The following CHN2 variants were observed in gnomAD, a reference collection of about 807,000 sequenced individuals.
The protein encoded by CHN2 is beta-chimaerin.
A neutral mutation model predicts 56.3 loss-of-function variants in CHN2; 35 were observed. The ratio of observed to expected loss-of-function variants is 0.62; its 90% CI spans 0.47 to 0.82. CHN2 has a LOEUF of 0.82. Among genes scored for constraint, CHN2 ranks in the 40% least tolerant of loss-of-function variants. The pLI is 0.00. For synonymous variants in CHN2, 210 were observed against 212.8 expected, an observed-to-expected ratio of 0.99 and a Z score of 0.12; for missense variants, 491 against 580.5, an observed-to-expected ratio of 0.85 and a Z score of 1.58.
chr7:29,210,070 C>CTCTG (rs1320952273), intron 1 of CHN2, among the ~76,000 whole-genome samples: 1 of 151,992 alleles, frequency 6.6e-6, no homozygotes, highest in Non-Finnish European at 1.5e-5. Flanking sequence ...TAGTTTGGCC[C>CTCTG]AGATCATCTC....
In CHN2 at chr7:29,413,270, T is replaced by C. The variant is rs542067219; in HGVS notation, c.576+12442T>C. Among the ~76,000 whole-genome samples the C allele has an allele frequency of 2.0e-5, 3 of 152,306 alleles. No individual in the cohort carries two copies. The South Asian group carries it at 6.2e-4, about 32-fold the overall frequency. On this transcript the variant is annotated intron_variant, in intron 6 of 12. Coordinates refer to ENST00000222792, the MANE Select transcript of CHN2 (RefSeq NM_004067.4). ...TGATTGTTCTCAAGTGACTCATTGG[T>C]TTAAAAAATTATTTAAAAAGTCAAA...
intron 2 of CHN2, among the ~76,000 whole-genome samples, chr7:29,155,945 C>A (rs565941492): frequency 6.6e-6 from 1 of 152,190 alleles, no homozygotes; most frequent in Non-Finnish European, 1.5e-5. Flanking sequence ...GAGACGGCCA[C>A]GTGCTCTTGC....
chr7:29,354,668 G>A lies in CHN2; in HGVS notation c.88+5G>A, dbSNP rs1489183818. On this transcript the variant is annotated splice_donor_5th_base_variant and intron_variant, in intron 2 of 12. Coordinates refer to ENST00000222792, the MANE Select transcript of CHN2 (RefSeq NM_004067.4). ...CTCCTATATGGAAATCATACTGTGA[G>A]TACCTGAAATGAAAATCTCCCCAGA... The A allele has an allele frequency of 6.2e-7, 1 of 1,611,742 alleles. No homozygotes were observed. The highest frequency in any genetic ancestry group is 8.5e-7 in the Non-Finnish European group (1 of 1,178,902).
rs539151442 is a variant in CHN2 at position 29,473,482 on chromosome 7, T to TTTGTGTG, written c.577-6796_577-6795insTGTGTGT. On this transcript the variant is annotated intron_variant, in intron 6 of 12. Transcript: ENST00000222792. ...TGTGTGTGTTTGTGTTTTTTTTTTT[T>TTTGTGTG]TGTGTGTGTGTGTGTGTGTGTGTGT... Among the ~76,000 whole-genome samples, 12 of 118,194 alleles carry TTTGTGTG rather than the reference T, an allele frequency of 1.0e-4. No homozygotes were observed. In the East Asian group the frequency reaches 1.4e-3, roughly 13 times the overall value. The allele number at this position is 118,194 out of a possible 152,430, so 77.5% of individuals were successfully genotyped here.
Position 29,288,711 on chromosome 7 carries a change from CAATGGAGACAAAGA to C in CHN2, c.50-65900_50-65887del, listed in dbSNP as rs538602359. On this transcript the variant is annotated intron_variant, in intron 1 of 12. Coordinates refer to ENST00000222792, the MANE Select transcript of CHN2 (RefSeq NM_004067.4). ...TTGAAAACAAATAGTAAACTAGAGA[CAATGGAGACAAAGA>C]AATGGAGACAAAGCAAATAAGTAGA... 2.2e-3 allele frequency among the ~76,000 whole-genome samples: 331 copies of C among 152,230 alleles called. 3 individuals carry two copies. Among genetic ancestry groups the C allele is most frequent in the African/African-American group, 7.3e-3 (304 of 41,546 alleles).
intron 6 of CHN2, among the ~76,000 whole-genome samples, chr7:29,411,873 A>C (rs1488476269): frequency 6.6e-6 from 1 of 152,146 alleles, no homozygotes; most frequent in Non-Finnish European, 1.5e-5. Context: ...TACTGCTGGC[A>C]GTTCATTGCT....
intron 6 of CHN2, among the ~76,000 whole-genome samples, chr7:29,410,281 C>T (rs1451424688): frequency 1.5e-5 from 2 of 137,430 alleles, no homozygotes; most frequent in African/African-American, 6.0e-5. Context: ...TGATTACTTT[C>T]ATTTTTAAGG....
At chr7:29,511,659 G>A (rs1226408803) in intron 12 of CHN2, among the ~76,000 whole-genome samples, 1 of 152,012 alleles carries the variant, frequency 6.6e-6, no homozygotes, top group Non-Finnish European at 1.5e-5. Flanking sequence ...ATCCTAATGA[G>A]TTATAAGGAA....
At chr7:29,354,508 C>A in intron 1 of CHN2, 117 bp from the exon 2 acceptor site, 1 of 831,682 alleles carries the variant, frequency 1.2e-6, no homozygotes, top group East Asian at 2.7e-5. Context: ...AGAAGAGAGT[C>A]CCCCTGAGAC....
intron 1 of CHN2, among the ~76,000 whole-genome samples, chr7:29,300,245 A>AC (rs991673171): frequency 8.5e-5 from 13 of 152,148 alleles, no homozygotes; most frequent in African/African-American, 3.1e-4. Flanking sequence ...GGATGAGGGA[A>AC]CCAGATGCAA....
chr7:29,167,916 C>T (rs1384843077), intron 2 of CHN2, among the ~76,000 whole-genome samples: 3 of 152,180 alleles, frequency 2.0e-5, no homozygotes, highest in African/African-American at 7.2e-5. Context: ...CTTTCCTTCC[C>T]TCTGACAAGG....
chr7:29,211,050 A>T (rs1784883606), intron 1 of CHN2, among the ~76,000 whole-genome samples: 2 of 101,300 alleles, frequency 2.0e-5, no homozygotes, highest in Admixed American at 1.9e-4. Context: ...GATCTGACTT[A>T]GGTGTTTTGT....
chr7:29,450,521 G>C (rs61017707), intron 6 of CHN2, among the ~76,000 whole-genome samples: 10,276 of 152,200 alleles, frequency 0.068, 600 homozygotes, highest in African/African-American at 0.17. Flanking sequence ...GGGTGGTGCA[G>C]CCACAAGGCC....
intron 1 of CHN2, among the ~76,000 whole-genome samples, chr7:29,337,934 C>CA (rs60429717): frequency 0.019 from 2,821 of 152,130 alleles, 102 homozygotes; most frequent in African/African-American, 0.065. Context: ...CACAGAACAC[C>CA]AAAACCCAGA....
At chr7:29,473,303 A>G (rs1307767527) in intron 6 of CHN2, among the ~76,000 whole-genome samples, 2 of 152,156 alleles carry the variant, frequency 1.3e-5, no homozygotes, top group Admixed American at 6.5e-5. Context: ...TTTTCTGGCA[A>G]TCCCCTTGAA....
intron 1 of CHN2, among the ~76,000 whole-genome samples, chr7:29,293,705 C>G (rs1792866373): frequency 6.6e-6 from 1 of 152,122 alleles, no homozygotes; most frequent in African/African-American, 2.4e-5. Context: ...TCTGTCCATT[C>G]AAGCACGTAC....
At chr7:29,154,004 A>G (rs1793995383) in intron 2 of CHN2, among the ~76,000 whole-genome samples, 1 of 152,232 alleles carries the variant, frequency 6.6e-6, no homozygotes, top group African/African-American at 2.4e-5. Context: ...ACAGTAGGCT[A>G]TTAGTAGTTA....
At chr7:29,254,797 C>T (rs1422558310) in intron 1 of CHN2, among the ~76,000 whole-genome samples, 1 of 152,172 alleles carries the variant, frequency 6.6e-6, no homozygotes, top group Non-Finnish European at 1.5e-5. Context: ...GTGTCTGCTC[C>T]TCAGAGCCTG....
At chr7:29,259,879 C>T (rs991184058) in intron 1 of CHN2, among the ~76,000 whole-genome samples, 2 of 152,106 alleles carry the variant, frequency 1.3e-5, no homozygotes, top group African/African-American at 4.8e-5. Context: ...CTTAGTATAG[C>T]TGGAAGGAAA....
Sources: gnomAD v4.1 joint callset for allele counts (sites outside exome capture counted in the v4.1 genomes callset) on GRCh38, gnomAD v4.1.1 for gene constraint, MANE v1.5 for transcripts, NCBI Gene and HGNC (gene_info 2026-07-23, HGNC 2026-07-21) for gene names.